The following HK1 variants were observed in gnomAD, a reference collection of about 807,000 sequenced individuals.
HK1 encodes hexokinase 1.
A neutral mutation model predicts 91.6 loss-of-function variants in HK1; 28 were observed. The observed-to-expected ratio is 0.31, with a 90% CI of 0.23 to 0.42. The LOEUF (loss-of-function observed/expected upper bound fraction) is 0.42, where lower values mean the gene tolerates loss of function less well. Among genes scored for constraint, HK1 ranks in the 10% least tolerant of loss-of-function variants. HK1 has a pLI of 1.00. For synonymous variants in HK1, 430 were observed against 468.1 expected (o/e 0.92, Z 1.05); for missense variants, 770 against 1,219.8 (o/e 0.63, Z 5.49).
At chr10:69,363,247 G>A (rs191984788) in intron 3 of HK1, among the ~76,000 whole-genome samples, 1 of 152,338 alleles carries the variant, frequency 6.6e-6, no homozygotes, top group Admixed American at 6.5e-5. Flanking sequence ...GGTTAGCTAG[G>A]CTGTGGCATG....
Position 69,332,385 on chromosome 10 carries a change from T to TTTCTTTCTTTCTTTCTTTCTTTCTTTC in HK1, c.64-11440_64-11439insCTTTCTTTCTTTCTTTCTTTCTTTCTT, listed in dbSNP as rs1589497802. Among the ~76,000 whole-genome samples, 131 of 133,412 alleles carry TTTCTTTCTTTCTTTCTTTCTTTCTTTC rather than the reference T, an allele frequency of 9.8e-4. 1 individual carries two copies. Among genetic ancestry groups the TTTCTTTCTTTCTTTCTTTCTTTCTTTC allele is most frequent in the Admixed American group, 2.3e-3 (31 of 13,726 alleles). The allele number at this position is 133,412 out of a possible 152,430, so 87.5% of individuals were successfully genotyped here. A position where few individuals can be genotyped will look rare whatever the true frequency, so the allele number is the denominator to read the frequency against. On this transcript the variant is annotated intron_variant, in intron 1 of 17. Transcript: ENST00000359426. ...TCTTTCTTTCTTTCTTTCTTTCTTTTTTTCTTTTTTTGAGACAGACTCTTG... is the reference window on the plus strand; with the variant it reads ...TCTTTCTTTCTTTCTTTCTTTCTTTTTTCTTTCTTTCTTTCTTTCTTTCTTTCTTTCTTTTTTTGAGACAGACTCTTG...
intron 1 of HK1, among the ~76,000 whole-genome samples, chr10:69,329,160 T>TTCTTCTTC (rs1554814161): frequency 6.6e-6 from 1 of 151,278 alleles, no homozygotes; most frequent in Non-Finnish European, 1.5e-5. Flanking sequence ...GCTTTCTTTC[T>TTCTTCTTC]TTCTTCTTCT....
At chr10:69,290,657 C>T (rs1564756602) in intron 3 of HK1, among the ~76,000 whole-genome samples, 2 of 152,154 alleles carry the variant, frequency 1.3e-5, no homozygotes, top group Non-Finnish European at 2.9e-5. Flanking sequence ...CGCCACCACG[C>T]CTGGCTAATT....
chr10:69,337,989 A>T (rs1816422580), intron 1 of HK1: 1 of 154,270 alleles, frequency 6.5e-6, no homozygotes, highest in African/African-American at 2.4e-5. Context: ...CGGGCACAGA[A>T]ATGTTTGTGA....
intron 3 of HK1, chr10:69,292,440 T>C (rs944329487): frequency 2.7e-6 from 1 of 375,940 alleles, no homozygotes; most frequent in Non-Finnish European, 5.2e-6. Context: ...CCAGGGGAGA[T>C]ACACACATGG....
At chr10:69,338,187 C>A in intron 1 of HK1, 1 of 1,003,126 alleles carries the variant, frequency 1.0e-6, no homozygotes, top group African/African-American at 1.7e-5. Flanking sequence ...GGACAAGTGT[C>A]TGGAAAGTGT....
Position 69,351,995 on chromosome 10 carries a change from A to AT in HK1, c.227-7887dup, listed in dbSNP as rs201899030. Among the ~76,000 whole-genome samples, 666 of 145,646 alleles carry AT rather than the reference A, an allele frequency of 4.6e-3. 5 individuals carry two copies. The highest frequency in any genetic ancestry group is 0.015 in the Middle Eastern group (4 of 274). On this transcript the variant is annotated intron_variant, in intron 2 of 17. Coordinates refer to ENST00000359426, the MANE Select transcript of HK1 (RefSeq NM_000188.3). ...GAATTCAATTTTTTCAGTTATTTCA[A>AT]TTTTTTTTTTTTTTTGAGACAGAGT... is the stretch of plus-strand genomic sequence containing the variant.
chr10:69,319,111 T>C, intron 1 of HK1, 101 bp downstream of exon 1: 3 of 1,370,704 alleles, frequency 2.2e-6, no homozygotes, highest in Non-Finnish European at 3.0e-6. Context: ...CCCGGCCTTC[T>C]CCGGGCCAGC....
chr10:69,359,125 C>T (rs868229632), intron 2 of HK1, among the ~76,000 whole-genome samples: 2 of 151,924 alleles, frequency 1.3e-5, no homozygotes, highest in South Asian at 2.1e-4. Context: ...AGGAATAAGC[C>T]GGTCACAAAA....
Position 69,304,549 on chromosome 10 carries a change from C to A in HK1, c.27+3688C>A, listed in dbSNP as rs1846021959. Among the ~76,000 whole-genome samples the A allele has an allele frequency of 2.0e-5, 3 of 152,186 alleles. No homozygotes were observed. The South Asian group carries it at 6.2e-4, about 31-fold the overall frequency. ...TCTCGAACTCCTGACCTCAAGTGAT[C>A]CGCTCGCCTTGGCCTCCCAAAGCGC... On this transcript the variant is annotated intron_variant, in intron 5 of 21. Coordinates refer to the HK1 transcript ENST00000360289.
At chr10:69,344,185 A>G (rs953128664) in intron 2 of HK1, among the ~76,000 whole-genome samples, 196 bp downstream of exon 2, 9 of 152,256 alleles carry the variant, frequency 5.9e-5, no homozygotes, top group African/African-American at 1.7e-4. Flanking sequence ...TGATCCATCC[A>G]TCCAATATGT....
intron 7 of HK1, among the ~76,000 whole-genome samples, chr10:69,371,872 A>G (rs1850022554): frequency 6.6e-6 from 1 of 152,146 alleles, no homozygotes. Flanking sequence ...GGGTGGCTAA[A>G]TGGGGGTACA....
At chr10:69,316,721 C>T (rs890723636), upstream of HK1, among the ~76,000 whole-genome samples, 1 of 152,194 alleles carries the variant, frequency 6.6e-6, no homozygotes, top group Non-Finnish European at 1.5e-5. Flanking sequence ...GTGATGGCAC[C>T]GGCTGGTGGC....
At chr10:69,297,262 A>G (rs982151805) in intron 4 of HK1, among the ~76,000 whole-genome samples, 4 of 152,328 alleles carry the variant, frequency 2.6e-5, no homozygotes, top group Non-Finnish European at 4.4e-5. Flanking sequence ...TAGATTTACT[A>G]TTCTTTAAGT....
At position 69,368,550 on chromosome 10, in the gene HK1, C is replaced by T. The variant is rs1221694372; in HGVS notation, c.510C>T (p.Thr170=). The T allele has an allele frequency of 2.5e-6, 4 of 1,614,070 alleles. No individual in the cohort carries two copies. Among genetic ancestry groups the T allele is most frequent in the Non-Finnish European group, 3.4e-6 (4 of 1,180,000 alleles). ...CTTCTTTGCAGGCCATCCTGATCAC[C>T]TGGACAAAGCGATTTAAAGCGAGCG... ...QSKIDEAILI[T]WTKRFKASGV... is the part of the protein sequence containing the mutation. Residue 170 remains threonine, a synonymous_variant, in exon 5 of 18, where the codon ACC becomes ACT. Coordinates refer to ENST00000359426, the MANE Select transcript of HK1 (RefSeq NM_000188.3).
At chr10:69,352,267 A>G (rs1438891863) in intron 2 of HK1, among the ~76,000 whole-genome samples, 1 of 152,170 alleles carries the variant, frequency 6.6e-6, no homozygotes, top group Non-Finnish European at 1.5e-5. Flanking sequence ...TTCTGGGATT[A>G]CAAGCATGAG....
At chr10:69,332,231 G>A (rs1002725444) in intron 1 of HK1, among the ~76,000 whole-genome samples, 3 of 152,074 alleles carry the variant, frequency 2.0e-5, no homozygotes, top group Non-Finnish European at 2.9e-5. Flanking sequence ...TGGGTTTCTG[G>A]GCATCCTTGG....
chr10:69,392,130 G>A lies in HK1; in HGVS notation c.2041G>A (p.Gly681Ser). Residue 681 changes from glycine to serine, a missense_variant, in exon 15 of 18, where the codon GGC becomes AGC. By Grantham distance (56) the Gly-to-Ser change is moderately conservative. Transcript: ENST00000359426. ...TCEVGLIVGT[G>S]SNACYMEEMK... ...TGCCCCCTCGTGTGTTCCAGGGACC[G>A]GCAGCAATGCCTGCTACATGGAGGA... 1 of 1,614,146 alleles carries A rather than the reference G, an allele frequency of 6.2e-7. No individual in the cohort carries two copies. Among genetic ancestry groups the A allele is most frequent in the Non-Finnish European group, 8.5e-7 (1 of 1,180,034 alleles).
intron 1 of HK1, among the ~76,000 whole-genome samples, chr10:69,341,837 G>A (rs1848305715): frequency 1.3e-5 from 2 of 152,034 alleles, no homozygotes; most frequent in Admixed American, 6.6e-5. Context: ...GGAAAAAGGT[G>A]GTAGGGCTAG....
Sources: allele counts gnomAD v4.1 joint callset (sites outside exome capture counted in the v4.1 genomes callset), GRCh38; gene constraint gnomAD v4.1.1; transcripts MANE v1.5; gene names NCBI Gene and HGNC (gene_info 2026-07-23, HGNC 2026-07-21).